Variants in TDRD1 observed in about 807,000 individuals in gnomAD.
TDRD1 encodes the protein tudor domain containing 1, also known as tudor domain-containing protein 1.
Under a neutral mutation model 140.6 loss-of-function variants are expected in TDRD1, and 37 were observed. The observed-to-expected ratio is 0.26, with a 90% CI of 0.20 to 0.35. The LOEUF (loss-of-function observed/expected upper bound fraction) is 0.35, where lower values mean the gene tolerates loss of function less well. Ranked by LOEUF, TDRD1 falls within the 10% of genes least tolerant of loss-of-function variation. TDRD1 has a pLI of 1.00. For missense variants in TDRD1, 1,243 were observed against 1,393.0 expected (o/e 0.89, Z 1.71); for synonymous variants, 506 against 475.7 (o/e 1.06, Z -0.83).
intron 21 of TDRD1, among the ~76,000 whole-genome samples, chr10:114,224,446 A>G (rs2036320426): frequency 6.6e-6 from 1 of 152,210 alleles, no homozygotes; most frequent in South Asian, 2.1e-4. Flanking sequence ...CCTTACATCT[A>G]GAAATTCATG....
At chr10:114,194,134 A>T (rs946648623) in intron 3 of TDRD1, among the ~76,000 whole-genome samples, 1 of 152,198 alleles carries the variant, frequency 6.6e-6, no homozygotes, top group Non-Finnish European at 1.5e-5. Flanking sequence ...TAAGTTTTCA[A>T]GAGAGATTTT....
exon 19 of TDRD1, chr10:114,220,828 G>A (rs1425485729): frequency 6.2e-6 from 10 of 1,609,980 alleles, no homozygotes; most frequent in Non-Finnish European, 7.6e-6. Context: ...TCAAGTTCAT[G>A]TACAGGGACT....
At chr10:114,210,457 T>C (rs1242457154) in intron 11 of TDRD1, 124 bp from the exon 12 acceptor site, 1 of 929,888 alleles carries the variant, frequency 1.1e-6, no homozygotes, top group Non-Finnish European at 1.5e-6. Context: ...CCTCTCAGAC[T>C]GCCATCTTCC....
At chr10:114,221,222 C>G in intron 19 of TDRD1, 135 bp from the exon 20 acceptor site, 1 of 977,326 alleles carries the variant, frequency 1.0e-6, no homozygotes, top group Non-Finnish European at 1.5e-6. Flanking sequence ...TGAAAAAATA[C>G]AGATTTTTAT....
intron 1 of TDRD1, among the ~76,000 whole-genome samples, chr10:114,182,314 A>G (rs964358393): frequency 2.0e-5 from 3 of 152,238 alleles, no homozygotes; most frequent in Non-Finnish European, 4.4e-5. Flanking sequence ...TGGTCCCAGA[A>G]CAGGTGTAGA....
At chr10:114,187,868 A>T (rs1329623709) in exon 2 of TDRD1, 7 of 1,602,642 alleles carry the variant, frequency 4.4e-6, no homozygotes, top group Non-Finnish European at 5.9e-6. Flanking sequence ...GATGTCAAGA[A>T]ATAATTTGGA....
intron 16 of TDRD1, among the ~76,000 whole-genome samples, chr10:114,217,179 C>T (rs1368799804): frequency 6.6e-6 from 1 of 152,170 alleles, no homozygotes; most frequent in African/African-American, 2.4e-5. Flanking sequence ...TTATACATTA[C>T]CTGTGCCATC....
intron 10 of TDRD1, among the ~76,000 whole-genome samples, chr10:114,205,523 G>A (rs1208455594): frequency 6.6e-6 from 1 of 152,170 alleles, no homozygotes; most frequent in African/African-American, 2.4e-5. Context: ...CAGGGAACTT[G>A]AAGTTTGGGT....
exon 5 of TDRD1, chr10:114,201,415 C>T (rs751570573): frequency 2.5e-6 from 4 of 1,613,776 alleles, no homozygotes; most frequent in Non-Finnish European, 3.4e-6. Context: ...TCTAGGATCG[C>T]TGAGGTGCTC....
At chr10:114,203,343 T>C in intron 7 of TDRD1, 45 bp from the exon 8 acceptor site, 1 of 1,549,422 alleles carries the variant, frequency 6.5e-7, no homozygotes, top group Non-Finnish European at 8.7e-7. Context: ...TTACATTTCC[T>C]TGTGTGCCTT....
At chr10:114,188,077 C>G (rs755096271) in exon 2 of TDRD1, 2 of 1,613,830 alleles carry the variant, frequency 1.2e-6, no homozygotes, top group Non-Finnish European at 8.5e-7. Flanking sequence ...GTCAGGAAGA[C>G]AATTCAGTTT....
rs549478376 is a variant in TDRD1 at position 114,197,894 on chromosome 10, C to T, written c.385-1279C>T. ...TGATCTTGAACTCATGACCTCAAGA[C>T]GTCTGCCCACCTCAGCCTCCCAAAG... On this transcript the variant is annotated intron_variant, in intron 3 of 25. Coordinates refer to ENST00000251864, the Ensembl canonical transcript of TDRD1. 1.1e-4 allele frequency among the ~76,000 whole-genome samples: 16 copies of T among 152,184 alleles called. No individual in the cohort carries two copies. The South Asian group carries it at 1.7e-3, about 16-fold the overall frequency.
intron 14 of TDRD1, 90 bp from the exon 15 acceptor site, chr10:114,213,256 G>T: frequency 5.7e-6 from 7 of 1,224,816 alleles, no homozygotes; most frequent in Non-Finnish European, 1.1e-6. Flanking sequence ...TTTGCCATAG[G>T]TTTCTTAAGT....
intron 25 of TDRD1, chr10:114,228,147 GT>G: frequency 1.3e-6 from 2 of 1,554,426 alleles, no homozygotes; most frequent in Non-Finnish European, 1.7e-6. Context: ...TAAATCGTAT[GT>G]TTTCGCCTCT....
intron 13 of TDRD1, 43 bp downstream of exon 13, chr10:114,211,010 TA>T: frequency 6.9e-7 from 1 of 1,453,402 alleles, no homozygotes. Flanking sequence ...TATTTTTATT[TA>T]TTTTTTACTT....
At chr10:114,201,646 A>C (rs2034751364) in intron 5 of TDRD1, 131 bp downstream of exon 5, 4 of 649,564 alleles carry the variant, frequency 6.2e-6, no homozygotes, top group African/African-American at 1.8e-5. Context: ...CAAAGTGTAC[A>C]AATCTGAAGT....
At position 114,204,926 on chromosome 10, in the gene TDRD1, T is replaced by C. The variant is rs767067972; in HGVS notation, c.1297+33T>C. The C allele has an allele frequency of 3.3e-6, 5 of 1,511,910 alleles. No homozygotes were observed. The Admixed American group carries it at 1.2e-4, about 36-fold the overall frequency. 93.7% of individuals were successfully genotyped at this position (1,511,910 alleles called of 1,614,324 possible). A position where few individuals can be genotyped will look rare whatever the true frequency, so the allele number is the denominator to read the frequency against. On this transcript the variant is annotated intron_variant, in intron 10 of 25. Transcript: ENST00000251864. ...CTGTCTTTTTAAATTGAGTACTTAA[T>C]AGGATATGTAGTTTCCACCTGTTAC...
chr10:114,232,504 CT>C (rs140805425), downstream of TDRD1, among the ~76,000 whole-genome samples: 610 of 81,686 alleles, frequency 7.5e-3, 1 homozygote, highest in East Asian at 0.061. Flanking sequence ...ACTTGAAAGA[CT>C]TTTTTTTTTT....
intron 3 of TDRD1, among the ~76,000 whole-genome samples, chr10:114,197,285 C>G (rs75474352): frequency 0.012 from 1,829 of 152,218 alleles, 33 homozygotes; most frequent in African/African-American, 0.041. Context: ...TTGTTCAGAT[C>G]AGGCGTTTCT....
Sources: allele counts gnomAD v4.1 joint callset (sites outside exome capture counted in the v4.1 genomes callset), GRCh38; gene constraint gnomAD v4.1.1; transcripts MANE v1.5; gene names NCBI Gene and HGNC (gene_info 2026-07-23, HGNC 2026-07-21).